The following IQCJ variants were observed in gnomAD, a reference collection of about 807,000 sequenced individuals.
IQCJ encodes IQ domain-containing protein J.
Under a neutral mutation model 11.0 loss-of-function variants are expected in IQCJ, and 9 were observed. The observed-to-expected ratio is 0.82, with a 90% CI of 0.49 to 1.43. IQCJ has a LOEUF of 1.43. Ranked by LOEUF, IQCJ falls within the 40% of genes most tolerant of loss-of-function variation. The pLI, the probability that IQCJ is intolerant of heterozygous loss-of-function variation, is 0.00. For synonymous variants in IQCJ, 55 were observed against 51.3 expected (o/e 1.07, Z -0.31); for missense variants, 146 against 133.2 (o/e 1.10, Z -0.47).
At chr3:159,197,742 T>C (rs1348984970) in intron 1 of IQCJ, among the ~76,000 whole-genome samples, 1 of 151,582 alleles carries the variant, frequency 6.6e-6, no homozygotes, top group East Asian at 1.9e-4. Context: ...AACTGCAGAG[T>C]TGTAGCCCTG....
At chr3:159,153,463 A>G (rs1721343650) in intron 1 of IQCJ, among the ~76,000 whole-genome samples, 1 of 152,226 alleles carries the variant, frequency 6.6e-6, no homozygotes, top group Admixed American at 6.5e-5. Flanking sequence ...TATCATAGCT[A>G]TTAATTCCCG....
At chr3:159,246,761 C>A (rs1218155534) in intron 2 of IQCJ, among the ~76,000 whole-genome samples, 1 of 152,150 alleles carries the variant, frequency 6.6e-6, no homozygotes, top group Non-Finnish European at 1.5e-5. Flanking sequence ...GAAAAGAAGT[C>A]TCAGAAGAAA....
intron 1 of IQCJ, among the ~76,000 whole-genome samples, chr3:159,185,425 G>C (rs576001574): frequency 1.3e-5 from 2 of 152,112 alleles, no homozygotes; most frequent in African/African-American, 4.8e-5. Flanking sequence ...AGGATAGAAA[G>C]GATCCTGAGT....
chr3:159,145,094 C>T (rs1720848294), intron 1 of IQCJ, among the ~76,000 whole-genome samples: 1 of 152,202 alleles, frequency 6.6e-6, no homozygotes, highest in Non-Finnish European at 1.5e-5. Context: ...AATTCTGCCT[C>T]CTTCATCTGT....
intron 1 of IQCJ, among the ~76,000 whole-genome samples, chr3:159,086,093 A>G (rs903319925): frequency 6.6e-6 from 1 of 152,168 alleles, no homozygotes; most frequent in African/African-American, 2.4e-5. Flanking sequence ...TGATTTTTGT[A>G]TAAGGTGTAA....
chr3:159,162,237 G>A (rs943312854), intron 1 of IQCJ, among the ~76,000 whole-genome samples: 1 of 152,198 alleles, frequency 6.6e-6, no homozygotes, highest in East Asian at 1.9e-4. Context: ...TCCTTGAAGA[G>A]GTCCTTCACA....
At chr3:159,225,010 C>A (rs1725769374) in intron 1 of IQCJ, among the ~76,000 whole-genome samples, 1 of 152,036 alleles carries the variant, frequency 6.6e-6, no homozygotes. Flanking sequence ...AAACATATAA[C>A]CCATAAAATT....
At chr3:159,226,442 CT>C (rs1725857666) in intron 1 of IQCJ, among the ~76,000 whole-genome samples, 1 of 152,202 alleles carries the variant, frequency 6.6e-6, no homozygotes, top group African/African-American at 2.4e-5. Context: ...CTTATCACCC[CT>C]ATCACTCAGG....
chr3:159,184,353 AGAAAAGCC>A (rs1463424758), intron 1 of IQCJ, among the ~76,000 whole-genome samples: 1 of 152,154 alleles, frequency 6.6e-6, no homozygotes, highest in Non-Finnish European at 1.5e-5. Flanking sequence ...TCACCTCCTC[AGAAAAGCC>A]TTCTCTGATT....
intron 1 of IQCJ, among the ~76,000 whole-genome samples, chr3:159,078,162 G>A (rs933951973): frequency 1.2e-4 from 14 of 112,064 alleles, no homozygotes; most frequent in Non-Finnish European, 3.0e-4. Flanking sequence ...AAGGAGCATT[G>A]AGTCAATGAC....
chr3:159,124,130 G>A (rs1719537158), intron 1 of IQCJ, among the ~76,000 whole-genome samples: 1 of 152,094 alleles, frequency 6.6e-6, no homozygotes, highest in South Asian at 2.1e-4. Flanking sequence ...CCTAGTTCCA[G>A]CTCCCTCCGC....
intron 1 of IQCJ, among the ~76,000 whole-genome samples, chr3:159,109,476 CAA>C (rs35694794): frequency 7.9e-6 from 1 of 126,888 alleles, no homozygotes; most frequent in Non-Finnish European, 1.6e-5. Context: ...CAAAATTTCT[CAA>C]AAGTTAAGAA....
chr3:159,164,115 A>C (rs183618035), intron 1 of IQCJ, among the ~76,000 whole-genome samples: 2 of 152,360 alleles, frequency 1.3e-5, no homozygotes, highest in East Asian at 3.8e-4. Flanking sequence ...AAATTCACCC[A>C]AGTGGTAACC....
In IQCJ at chr3:159,105,105, A is replaced by G. The variant is rs559389687; in HGVS notation, c.9+35664A>G. ...ATCCAAGAAGTTCTTAGTGCACCCA[A>G]TGACACAACCAGTAAGTAATAGCAT... On this transcript the variant is annotated intron_variant, in intron 1 of 3. Coordinates refer to ENST00000397832, the MANE Select transcript of IQCJ (RefSeq NM_001042706.3). 2.1e-3 allele frequency among the ~76,000 whole-genome samples: 315 copies of G among 152,390 alleles called. 2 individuals carry two copies. The highest frequency in any genetic ancestry group is 3.9e-3 in the Non-Finnish European group (268 of 68,032).
At chr3:159,136,028 A>G (rs937033033) in intron 1 of IQCJ, among the ~76,000 whole-genome samples, 1 of 152,208 alleles carries the variant, frequency 6.6e-6, no homozygotes, top group African/African-American at 2.4e-5. Flanking sequence ...AGGGATCAGG[A>G]TTGCACAGAG....
chr3:159,254,538 C>T (rs1239275449), intron 3 of IQCJ, among the ~76,000 whole-genome samples: 4 of 152,128 alleles, frequency 2.6e-5, no homozygotes, highest in African/African-American at 9.7e-5. Flanking sequence ...AACTTGAGTC[C>T]CATTGGAGAG....
intron 1 of IQCJ, among the ~76,000 whole-genome samples, chr3:159,107,193 G>A (rs1577012083): frequency 6.6e-6 from 1 of 152,254 alleles, no homozygotes; most frequent in East Asian, 1.9e-4. Context: ...TCCCAAGGCT[G>A]TAGTATTAGG....
intron 1 of IQCJ, among the ~76,000 whole-genome samples, chr3:159,228,291 T>G (rs1725977078): frequency 6.6e-6 from 1 of 152,202 alleles, no homozygotes; most frequent in Admixed American, 6.5e-5. Context: ...AACATGCTGC[T>G]GTAGCTGTCT....
At position 159,076,774 on chromosome 3, in the gene IQCJ, G is replaced by A. The variant is rs547522824; in HGVS notation, c.9+7333G>A. On this transcript the variant is annotated intron_variant, in intron 1 of 3. Transcript: ENST00000397832. The stretch of plus-strand genomic sequence containing the variant: ...GAGCACAGAGACAGAATGCATAAGT[G>A]GATAAAAGCACCTGACCCTGGACCC... Among the ~76,000 whole-genome samples the A allele has an allele frequency of 2.0e-5, 3 of 152,134 alleles. 1 individual carries two copies. Among genetic ancestry groups the A allele is most frequent in the African/African-American group, 7.2e-5 (3 of 41,516 alleles).
Sources: gnomAD v4.1 joint callset for allele counts (sites outside exome capture counted in the v4.1 genomes callset) on GRCh38, gnomAD v4.1.1 for gene constraint, MANE v1.5 for transcripts, NCBI Gene and HGNC (gene_info 2026-07-23, HGNC 2026-07-21) for gene names.